BCKDHB: variants seen among roughly 807,000 people sequenced by gnomAD.
The protein encoded by BCKDHB is branched chain keto acid dehydrogenase E1 subunit beta.
A neutral mutation model predicts 48.5 loss-of-function variants in BCKDHB; 41 were observed. The observed-to-expected ratio is 0.85, with a 90% CI of 0.66 to 1.10. BCKDHB has a LOEUF of 1.10. Ranked by LOEUF, BCKDHB falls within the 50% of genes least tolerant of loss-of-function variation. BCKDHB has a pLI of 0.00. For missense variants in BCKDHB, 496 were observed against 494.2 expected, an observed-to-expected ratio of 1.00 and a Z score of -0.03; for synonymous variants, 201 against 174.8, an observed-to-expected ratio of 1.15 and a Z score of -1.18.
chr6:80,302,085 G>A (rs907656812), intron 9 of BCKDHB, among the ~76,000 whole-genome samples: 2 of 151,996 alleles, frequency 1.3e-5, no homozygotes, highest in African/African-American at 2.4e-5. Context: ...CTTGAGAACC[G>A]GAACAAGACA....
intron 6 of BCKDHB, among the ~76,000 whole-genome samples, chr6:80,177,521 A>G (rs1562111990): frequency 6.6e-6 from 1 of 152,138 alleles, no homozygotes; most frequent in Non-Finnish European, 1.5e-5. Flanking sequence ...GAAGGTCTAA[A>G]TACATCTAAG....
the BCKDHB span, among the ~76,000 whole-genome samples, chr6:80,425,850 G>T: frequency 6.6e-6 from 1 of 152,128 alleles, no homozygotes; most frequent in Non-Finnish European, 1.5e-5. Context: ...TCTCTAAGTT[G>T]TTTTCAAAGC....
chr6:80,405,669 ACTTT>A, the BCKDHB span, among the ~76,000 whole-genome samples: 3 of 151,854 alleles, frequency 2.0e-5, no homozygotes, highest in African/African-American at 2.4e-5. Context: ...TGCTTTGATT[ACTTT>A]CTTTTTATTT....
intron 8 of BCKDHB, among the ~76,000 whole-genome samples, chr6:80,239,447 T>A (rs891487591): frequency 2.0e-5 from 3 of 152,104 alleles, no homozygotes; most frequent in African/African-American, 7.2e-5. Context: ...TTTGATGGGG[T>A]TGTTTGATTT....
At chr6:80,164,938 G>T (rs546812385) in intron 3 of BCKDHB, among the ~76,000 whole-genome samples, 5 of 152,266 alleles carry the variant, frequency 3.3e-5, no homozygotes, top group Admixed American at 6.5e-5. Context: ...AATAGAAACC[G>T]ATTTTTAACA....
intron 9 of BCKDHB, among the ~76,000 whole-genome samples, chr6:80,291,706 TAAG>T: frequency 6.6e-6 from 1 of 152,204 alleles, no homozygotes; most frequent in South Asian, 2.1e-4. Context: ...TTCACAGGAG[TAAG>T]CAGGGTTAGT....
At chr6:80,358,918 A>T in the BCKDHB span, among the ~76,000 whole-genome samples, 2 of 152,220 alleles carry the variant, frequency 1.3e-5, no homozygotes, top group African/African-American at 2.4e-5. Flanking sequence ...AGACCCGTGG[A>T]TGTGTGGCAT....
At chr6:80,129,943 T>C (rs555822138) in intron 3 of BCKDHB, among the ~76,000 whole-genome samples, 1 of 152,322 alleles carries the variant, frequency 6.6e-6, no homozygotes, top group East Asian at 1.9e-4. Context: ...ATATTAATAA[T>C]TGGGTGCCAT....
intron 3 of BCKDHB, among the ~76,000 whole-genome samples, chr6:80,144,185 A>G (rs1771357332): frequency 6.6e-6 from 1 of 152,194 alleles, no homozygotes; most frequent in African/African-American, 2.4e-5. Context: ...TAAATGGCAT[A>G]AGCCCACTGG....
In BCKDHB at chr6:80,242,203, T is replaced by C. The variant is rs186189350; in HGVS notation, c.952-30932T>C. On this transcript the variant is annotated intron_variant, in intron 8 of 9. Transcript: ENST00000320393. ...TTACCTTTCAAACTTAGGTCTCTAG[T>C]CACCTTTAATCATACTTGATATATT... Among the ~76,000 whole-genome samples the C allele has an allele frequency of 9.8e-5, 15 of 152,318 alleles. No homozygotes were observed. The East Asian group carries it at 1.5e-3, about 16-fold the overall frequency.
intron 9 of BCKDHB, among the ~76,000 whole-genome samples, chr6:80,330,004 G>A (rs1769240230): frequency 6.6e-6 from 1 of 152,118 alleles, no homozygotes. Context: ...CTAAAGGCTC[G>A]TGGAGAAGGG....
At chr6:80,257,803 G>C (rs894526922) in intron 8 of BCKDHB, among the ~76,000 whole-genome samples, 1 of 152,050 alleles carries the variant, frequency 6.6e-6, no homozygotes, top group Non-Finnish European at 1.5e-5. Context: ...GTTGCCCAAG[G>C]ATTGGAGAGG....
chr6:80,421,432 G>C, the BCKDHB span, among the ~76,000 whole-genome samples: 1 of 152,178 alleles, frequency 6.6e-6, no homozygotes, highest in Admixed American at 6.5e-5. Context: ...CTGCTATAAA[G>C]ATAACCTGAA....
At chr6:80,318,197 A>G (rs1044704369) in intron 9 of BCKDHB, among the ~76,000 whole-genome samples, 1 of 152,238 alleles carries the variant, frequency 6.6e-6, no homozygotes, top group Non-Finnish European at 1.5e-5. Context: ...TATTCAATTA[A>G]TCATTCAAAT....
chr6:80,119,502 T>C (rs1445525774), intron 1 of BCKDHB, among the ~76,000 whole-genome samples: 1 of 152,008 alleles, frequency 6.6e-6, no homozygotes, highest in African/African-American at 2.4e-5. Flanking sequence ...GTATTTTTGG[T>C]AGAGGATGGG....
rs144184950 is a variant in BCKDHB at position 80,227,736 on chromosome 6, A to C, written c.951+24524A>C. Among the ~76,000 whole-genome samples the C allele has an allele frequency of 2.4e-4, 37 of 152,300 alleles. No homozygotes were observed. The East Asian group carries it at 6.6e-3, about 27-fold the overall frequency. Reference sequence around the variant, plus strand: ...AGGGAGTCCTGTGTTTATGAATCTGAAAGTGTTGAGCTTGAGGTAACAGTG... The same window carrying C: ...AGGGAGTCCTGTGTTTATGAATCTGCAAGTGTTGAGCTTGAGGTAACAGTG... On this transcript the variant is annotated intron_variant, in intron 8 of 9. Transcript: ENST00000320393.
chr6:80,136,992 A>C (rs1770921920), intron 3 of BCKDHB, among the ~76,000 whole-genome samples: 1 of 152,168 alleles, frequency 6.6e-6, no homozygotes, highest in African/African-American at 2.4e-5. Context: ...AATTGGAATC[A>C]TTGTGCATTG....
At chr6:80,377,071 C>T in the BCKDHB span, among the ~76,000 whole-genome samples, 1 of 141,504 alleles carries the variant, frequency 7.1e-6, no homozygotes. Context: ...TGAAGTCTCA[C>T]TCTGTCATGC....
chr6:80,213,664 TTTTG>T (rs1775043397), intron 8 of BCKDHB, among the ~76,000 whole-genome samples: 1 of 141,190 alleles, frequency 7.1e-6, no homozygotes, highest in African/African-American at 3.2e-5. Flanking sequence ...AAGTGTTTTT[TTTTG>T]TTTTTTTTTT....
Sources: gnomAD v4.1 joint callset for allele counts (sites outside exome capture counted in the v4.1 genomes callset) on GRCh38, gnomAD v4.1.1 for gene constraint, MANE v1.5 for transcripts, NCBI Gene and HGNC (gene_info 2026-07-23, HGNC 2026-07-21) for gene names.